FOCAD: variants seen among roughly 807,000 people sequenced by gnomAD.
FOCAD encodes the protein focadhesin, also known as KIAA1797.
Under a neutral mutation model 225.6 loss-of-function variants are expected in FOCAD, and 198 were observed. The ratio of observed to expected loss-of-function variants is 0.88; its 90% CI spans 0.78 to 0.99. FOCAD has a LOEUF of 0.99. Among genes scored for constraint, FOCAD ranks in the 50% least tolerant of loss-of-function variants. The pLI is 0.00. For missense variants in FOCAD, 2,713 were observed against 2,123.6 expected (o/e 1.28, Z -5.46); for synonymous variants, 897 against 755.0 (o/e 1.19, Z -3.08).
intron 29 of FOCAD, 84 bp downstream of exon 29, chr9:20,944,858 G>A: frequency 7.2e-7 from 1 of 1,380,238 alleles, no homozygotes; most frequent in Non-Finnish European, 9.7e-7. Flanking sequence ...CCATATTTTG[G>A]TAACCCTATA....
intron 8 of FOCAD, among the ~76,000 whole-genome samples, chr9:20,774,369 G>T (rs1293635020): frequency 1.3e-5 from 2 of 152,190 alleles, no homozygotes; most frequent in African/African-American, 4.8e-5. Flanking sequence ...GTTAGTAGTT[G>T]TTGGTACGCA....
At chr9:20,941,388 G>A (rs1374111363) in intron 28 of FOCAD, among the ~76,000 whole-genome samples, 1 of 152,138 alleles carries the variant, frequency 6.6e-6, no homozygotes, top group African/African-American at 2.4e-5. Context: ...GATAACATTT[G>A]TATAGCGCTT....
chr9:20,662,180 A>G (rs1282935782), intron 2 of FOCAD, among the ~76,000 whole-genome samples: 1 of 150,856 alleles, frequency 6.6e-6, no homozygotes, highest in East Asian at 1.9e-4. Context: ...TAAAGTGGAA[A>G]TATATGTGTG....
chr9:20,897,340 C>G (rs1198843110), intron 21 of FOCAD, among the ~76,000 whole-genome samples: 1 of 150,760 alleles, frequency 6.6e-6, no homozygotes, highest in Non-Finnish European at 1.5e-5. Flanking sequence ...TTTTGATCTA[C>G]TTTGACAATC....
chr9:20,732,533 G>A (rs183136225), intron 4 of FOCAD, among the ~76,000 whole-genome samples: 7 of 152,282 alleles, frequency 4.6e-5, no homozygotes, highest in Admixed American at 1.3e-4. Context: ...ACAGTGCAGC[G>A]CATGATTGAC....
intron 35 of FOCAD, among the ~76,000 whole-genome samples, chr9:20,972,374 G>A (rs1373019878): frequency 6.6e-6 from 1 of 151,964 alleles, no homozygotes; most frequent in Non-Finnish European, 1.5e-5. Context: ...TTTTGATTTG[G>A]TTTGGTTTTT....
intron 14 of FOCAD, among the ~76,000 whole-genome samples, chr9:20,822,004 A>G (rs1227776589): frequency 2.0e-4 from 30 of 148,914 alleles, no homozygotes; most frequent in African/African-American, 7.3e-4. Flanking sequence ...ACTAAAAAAA[A>G]AAAAAAAAAA....
At chr9:20,898,661 A>G (rs781401681) in intron 21 of FOCAD, among the ~76,000 whole-genome samples, 2 of 151,894 alleles carry the variant, frequency 1.3e-5, no homozygotes, top group Non-Finnish European at 2.9e-5. Flanking sequence ...TTAGCACATT[A>G]GTCATGGTTA....
At position 20,756,631 on chromosome 9, in the gene FOCAD, A is replaced by G. The variant is rs961720183; in HGVS notation, c.393-1459A>G. On this transcript the variant is annotated intron_variant, in intron 5 of 43. Coordinates refer to ENST00000338382, the MANE Select transcript of FOCAD (RefSeq NM_001375567.1). ...AACCAAGAATAGGAACCACTGCTTTATAGCAGTGCATCAGAATTTCCTGCA... is the reference window on the plus strand; with the variant it reads ...AACCAAGAATAGGAACCACTGCTTTGTAGCAGTGCATCAGAATTTCCTGCA... Among the ~76,000 whole-genome samples, 23 of 152,196 alleles carry G rather than the reference A, an allele frequency of 1.5e-4. 1 individual carries two copies. Among genetic ancestry groups the G allele is most frequent in the Admixed American group, 9.8e-4 (15 of 15,276 alleles).
chr9:20,789,481 C>T lies in FOCAD; in HGVS notation c.1328C>T (p.Pro443Leu). 1.2e-6 allele frequency: 2 copies of T among 1,613,924 alleles called. No homozygotes were observed. The highest frequency in any genetic ancestry group is 1.1e-5 in the South Asian group (1 of 91,072). The change falls in exon 11 of 44, where the codon CCT (proline) becomes CTT (leucine). Residue 443 changes from proline to leucine, a missense_variant. Pro to Leu is a moderately conservative substitution (Grantham distance 98). Transcript: ENST00000338382. ...TTGGCTTCAGTAGAGTCATTGCTTC[C>T]TATTACTGCTGTGATCCCTGCGCCT... is the stretch of plus-strand genomic sequence containing the variant. Reference protein sequence around the residue: ...DWLASVESLLPITAVIPAPAF... With the variant: ...DWLASVESLLLITAVIPAPAF...
Position 20,978,358 on chromosome 9 carries a change from G to A in FOCAD, c.4281G>A (p.Leu1427=). The part of the protein sequence containing the change: ...RLNFGEEIQQ[L]CLEIMVTQAQ... ...TTTCAGGTGAAGAGATCCAGCAACT[G>A]TGCCTTGAAATTATGGTGACCCAGG... Residue 1427 remains leucine (L), a synonymous_variant, in exon 37 of 44, where the codon CTG becomes CTA. Coordinates refer to ENST00000338382, the MANE Select transcript of FOCAD (RefSeq NM_001375567.1). 1 of 1,606,640 alleles carries A rather than the reference G, an allele frequency of 6.2e-7. No individual in the cohort carries two copies. The highest frequency in any genetic ancestry group is 8.5e-7 in the Non-Finnish European group (1 of 1,175,830).
chr9:20,931,090 A>G (rs879837013), intron 27 of FOCAD, among the ~76,000 whole-genome samples: 8 of 152,148 alleles, frequency 5.3e-5, no homozygotes, highest in Non-Finnish European at 1.0e-4. Flanking sequence ...ACTTAGGAGG[A>G]GATGCTGCTG....
intron 11 of FOCAD, among the ~76,000 whole-genome samples, chr9:20,796,449 T>A (rs1821116134): frequency 6.6e-6 from 1 of 152,204 alleles, no homozygotes; most frequent in South Asian, 2.1e-4. Context: ...AAAGTGTTCC[T>A]GTTTCTCCAC....
intron 11 of FOCAD, among the ~76,000 whole-genome samples, chr9:20,794,970 A>G (rs2131224426): frequency 6.6e-6 from 1 of 151,678 alleles, no homozygotes; most frequent in Middle Eastern, 3.4e-3. Context: ...ATCTAAGCAA[A>G]CAGAGAAGAA....
intron 8 of FOCAD, among the ~76,000 whole-genome samples, chr9:20,778,038 GGAGATCGTGCCACAGC>G (rs1818953487): frequency 7.3e-6 from 1 of 137,482 alleles, no homozygotes; most frequent in African/African-American, 2.7e-5. Flanking sequence ...TGCAGTGAGC[GGAGATCGTGCCACAGC>G]ACTCCCGCCT....
intron 26 of FOCAD, among the ~76,000 whole-genome samples, chr9:20,928,535 C>T (rs1835171245): frequency 6.6e-6 from 1 of 152,038 alleles, no homozygotes; most frequent in East Asian, 1.9e-4. Flanking sequence ...GCTTTCTTTC[C>T]CACTTGAGAC....
At chr9:20,817,412 C>T (rs899813956) in intron 11 of FOCAD, among the ~76,000 whole-genome samples, 1 of 152,132 alleles carries the variant, frequency 6.6e-6, no homozygotes, top group Non-Finnish European at 1.5e-5. Context: ...TCCTAGACAA[C>T]CACTAATCTA....
chr9:20,993,175 A>C, intron 42 of FOCAD, 78 bp from the exon 43 acceptor site: 1 of 1,212,286 alleles, frequency 8.2e-7, no homozygotes, highest in Non-Finnish European at 1.2e-6. Flanking sequence ...CCTCATATAT[A>C]TAGGTCCAAG....
chr9:20,810,026 A>G (rs1234670494), intron 11 of FOCAD, among the ~76,000 whole-genome samples: 1 of 152,172 alleles, frequency 6.6e-6, no homozygotes, highest in Non-Finnish European at 1.5e-5. Flanking sequence ...AAAAGAACTC[A>G]CAAGACTCAG....
Sources: gnomAD v4.1 joint callset for allele counts (sites outside exome capture counted in the v4.1 genomes callset) on GRCh38, gnomAD v4.1.1 for gene constraint, MANE v1.5 for transcripts, NCBI Gene and HGNC (gene_info 2026-07-23, HGNC 2026-07-21) for gene names.